SUCLG1: variants seen among roughly 807,000 people sequenced by gnomAD.
SUCLG1 encodes succinate-CoA ligase GDP/ADP-forming subunit alpha, also known as succinate--CoA ligase [ADP/GDP-forming] subunit alpha, mitochondrial.
Under a neutral mutation model 37.3 loss-of-function variants are expected in SUCLG1, and 26 were observed. The observed-to-expected ratio is 0.70, with a 90% CI of 0.51 to 0.97. The LOEUF is 0.97. Among genes scored for constraint, SUCLG1 ranks in the 50% least tolerant of loss-of-function variants. SUCLG1 has a pLI of 0.00. For missense variants in SUCLG1, 433 were observed against 432.9 expected (o/e 1.00, Z 0.00); for synonymous variants, 163 against 155.6 (o/e 1.05, Z -0.36).
intron 6 of SUCLG1, among the ~76,000 whole-genome samples, chr2:84,431,917 C>T (rs554381501): frequency 1.1e-4 from 16 of 152,076 alleles, no homozygotes; most frequent in Non-Finnish European, 2.4e-4. Flanking sequence ...CGAAGACAAC[C>T]CTCTTTTTGT....
At chr2:84,445,343 T>C (rs111427392) in intron 2 of SUCLG1, among the ~76,000 whole-genome samples, 2 of 152,318 alleles carry the variant, frequency 1.3e-5, no homozygotes, top group African/African-American at 4.8e-5. Flanking sequence ...TTCATCTAAA[T>C]TCATGCCCTT....
chr2:84,449,805 C>G, intron 1 of SUCLG1, 53 bp from the exon 2 acceptor site: 1 of 1,314,584 alleles, frequency 7.6e-7, no homozygotes, highest in Non-Finnish European at 1.0e-6. Context: ...TATAATTTTT[C>G]TAAACTTTTG....
intron 5 of SUCLG1, among the ~76,000 whole-genome samples, chr2:84,437,129 C>A (rs748969007): frequency 4.6e-5 from 7 of 152,212 alleles, no homozygotes; most frequent in Non-Finnish European, 7.3e-5. Context: ...CGGTCCCTCC[C>A]CTCTATGGGA....
chr2:84,424,829 C>G (rs1672510535), intron 8 of SUCLG1, among the ~76,000 whole-genome samples: 1 of 151,902 alleles, frequency 6.6e-6, no homozygotes, highest in Non-Finnish European at 1.5e-5. Flanking sequence ...CCCATAATGT[C>G]CTATTAAAAA....
intron 2 of SUCLG1, among the ~76,000 whole-genome samples, chr2:84,446,256 T>G (rs1672850432): frequency 6.6e-6 from 1 of 152,256 alleles, no homozygotes; most frequent in Admixed American, 6.5e-5. Context: ...ATATACTCAT[T>G]GATTTTGTTG....
intron 7 of SUCLG1, among the ~76,000 whole-genome samples, chr2:84,431,170 G>C (rs562277698): frequency 3.3e-5 from 5 of 152,102 alleles, no homozygotes; most frequent in Non-Finnish European, 5.9e-5. Context: ...CTCTGAGATC[G>C]GGAGAAAGAA....
chr2:84,428,292 C>T (rs1672565476), intron 7 of SUCLG1, among the ~76,000 whole-genome samples: 2 of 141,898 alleles, frequency 1.4e-5, no homozygotes, highest in South Asian at 5.1e-4. Flanking sequence ...GTGCCTTTTA[C>T]ACCCTTCTAC....
chr2:84,441,601 T>G, intron 3 of SUCLG1, 142 bp from the exon 4 acceptor site: 3 of 985,154 alleles, frequency 3.0e-6, no homozygotes, highest in Non-Finnish European at 4.7e-6. Context: ...ATTCTCAAAT[T>G]TGCTACACTG....
chr2:84,439,278 G>C (rs530440544), intron 5 of SUCLG1, among the ~76,000 whole-genome samples: 67 of 151,792 alleles, frequency 4.4e-4, no homozygotes, highest in African/African-American at 1.5e-3. Context: ...ATTCACAAAG[G>C]CAAGGTCTAA....
chr2:84,444,607 T>C (rs1216502929), intron 2 of SUCLG1, among the ~76,000 whole-genome samples: 3 of 152,174 alleles, frequency 2.0e-5, no homozygotes, highest in Admixed American at 6.5e-5. Context: ...TAATATCTTA[T>C]CAGGAGACAG....
At chr2:84,439,333 G>A (rs1573368505) in intron 5 of SUCLG1, among the ~76,000 whole-genome samples, 1 of 152,226 alleles carries the variant, frequency 6.6e-6, no homozygotes, top group East Asian at 1.9e-4. Flanking sequence ...TTAGGTTTAT[G>A]CTCACCTTAG....
At chr2:84,447,544 G>A (rs1672868837) in intron 2 of SUCLG1, among the ~76,000 whole-genome samples, 1 of 152,086 alleles carries the variant, frequency 6.6e-6, no homozygotes, top group South Asian at 2.1e-4. Flanking sequence ...ATAAATTTAT[G>A]TGGAGAATTT....
chr2:84,433,811 C>T (rs1007170782), intron 5 of SUCLG1: 3 of 256,770 alleles, frequency 1.2e-5, no homozygotes, highest in African/African-American at 6.9e-5. Flanking sequence ...ACTTATACTA[C>T]CTTATGTAGT....
chr2:84,443,490 A>G, intron 2 of SUCLG1, 90 bp from the exon 3 acceptor site: 1 of 1,040,268 alleles, frequency 9.6e-7, no homozygotes, highest in African/African-American at 1.6e-5. Flanking sequence ...AGGAAAAGAA[A>G]AACAAATAGG....
At chr2:84,458,197 G>C (rs1050988954) in intron 1 of SUCLG1, among the ~76,000 whole-genome samples, 3 of 151,786 alleles carry the variant, frequency 2.0e-5, no homozygotes, top group African/African-American at 7.3e-5. Context: ...AAAAAACCAG[G>C]ATACATGTGA....
At chr2:84,437,119 C>T (rs1048975046) in intron 5 of SUCLG1, among the ~76,000 whole-genome samples, 12 of 152,194 alleles carry the variant, frequency 7.9e-5, no homozygotes, top group African/African-American at 1.4e-4. Flanking sequence ...GTCTTCAACA[C>T]GGTCCCTCCC....
chr2:84,425,999 T>C, intron 7 of SUCLG1: 1 of 281,808 alleles, frequency 3.5e-6, no homozygotes, highest in Non-Finnish European at 6.8e-6. Context: ...TAGTTCACCC[T>C]TAATAAATGT....
In SUCLG1 at chr2:84,441,077, G is replaced by A; in HGVS notation, c.559C>T (p.Pro187Ser). ...NPGECKIGIM[P>S]GHIHKKGRIG... ...CTTCCTTTTTTGTGAATATGGCCAG[G>A]CATGATGCCAATTTTACATTCTCCA... The change falls in exon 5 of 9, where the codon CCT (proline) becomes TCT (serine). Residue 187 changes from proline (P) to serine (S), a missense_variant. Transcript: ENST00000393868. The A allele has an allele frequency of 6.2e-7, 1 of 1,614,052 alleles. No individual in the cohort carries two copies. The highest frequency in any genetic ancestry group is 1.3e-5 in the African/African-American group (1 of 74,996).
At chr2:84,447,834 A>T (rs1387285385) in intron 2 of SUCLG1, among the ~76,000 whole-genome samples, 1 of 152,044 alleles carries the variant, frequency 6.6e-6, no homozygotes, top group Non-Finnish European at 1.5e-5. Flanking sequence ...GACTCAAGTG[A>T]TCCTTCCACC....
Sources: gnomAD v4.1 joint callset for allele counts (sites outside exome capture counted in the v4.1 genomes callset) on GRCh38, gnomAD v4.1.1 for gene constraint, MANE v1.5 for transcripts, NCBI Gene and HGNC (gene_info 2026-07-23, HGNC 2026-07-21) for gene names.